The following PKNOX2 variants were observed in gnomAD, a reference collection of about 807,000 sequenced individuals.
PKNOX2 encodes the protein homeobox protein PKNOX2.
Under a neutral mutation model 53.1 loss-of-function variants are expected in PKNOX2, and 14 were observed. That is an observed-to-expected ratio of 0.26 (90% CI 0.17 to 0.41). The LOEUF is 0.41. Ranked by LOEUF, PKNOX2 falls within the 10% of genes least tolerant of loss-of-function variation. The pLI is 1.00. For missense variants in PKNOX2, 496 were observed against 602.8 expected (o/e 0.82, Z 1.85); for synonymous variants, 257 against 242.8 (o/e 1.06, Z -0.54).
chr11:125,382,249 C>T (rs900707129), intron 5 of PKNOX2, among the ~76,000 whole-genome samples: 1 of 152,232 alleles, frequency 6.6e-6, no homozygotes, highest in African/African-American at 2.4e-5. Context: ...AATGAAAACA[C>T]ACAGGACCCC....
intron 1 of PKNOX2, among the ~76,000 whole-genome samples, chr11:125,198,779 A>ACCTCTC (rs1938065490): frequency 7.2e-6 from 1 of 137,976 alleles, no homozygotes; most frequent in African/African-American, 2.7e-5. Flanking sequence ...CTACTCCCTC[A>ACCTCTC]CCTCTCCCTC....
chr11:125,424,878 C>G (rs1438723221), intron 10 of PKNOX2, among the ~76,000 whole-genome samples: 3 of 152,202 alleles, frequency 2.0e-5, no homozygotes, highest in African/African-American at 7.2e-5. Flanking sequence ...TTGAAAGATG[C>G]TTTTAGTATC....
At chr11:125,214,888 G>C (rs1400483773) in intron 1 of PKNOX2, among the ~76,000 whole-genome samples, 1 of 152,030 alleles carries the variant, frequency 6.6e-6, no homozygotes, top group Non-Finnish European at 1.5e-5. Flanking sequence ...GGCTTTTTGA[G>C]TGGGGAAGCA....
intron 2 of PKNOX2, among the ~76,000 whole-genome samples, chr11:125,285,833 C>G (rs1475343358): frequency 6.6e-6 from 1 of 152,226 alleles, no homozygotes; most frequent in Non-Finnish European, 1.5e-5. Context: ...CTCACGGCTT[C>G]CTAAGCACTT....
chr11:125,397,268 G>C (rs1193253761), intron 6 of PKNOX2, among the ~76,000 whole-genome samples: 1 of 152,170 alleles, frequency 6.6e-6, no homozygotes, highest in Admixed American at 6.5e-5. Flanking sequence ...TATCCACAGA[G>C]CGTCCACAAG....
intron 2 of PKNOX2, among the ~76,000 whole-genome samples, chr11:125,279,550 A>G (rs1946410362): frequency 6.6e-6 from 1 of 152,318 alleles, no homozygotes; most frequent in South Asian, 2.1e-4. Context: ...TTGCCATTCA[A>G]CTTGCAGTGT....
At chr11:125,305,845 C>T (rs750628090) in intron 2 of PKNOX2, among the ~76,000 whole-genome samples, 27 of 152,204 alleles carry the variant, frequency 1.8e-4, no homozygotes, top group Admixed American at 2.6e-4. Flanking sequence ...AAGAATATTC[C>T]GGAGGCAGGA....
At chr11:125,300,629 G>A (rs1047430087) in intron 2 of PKNOX2, among the ~76,000 whole-genome samples, 1 of 152,122 alleles carries the variant, frequency 6.6e-6, no homozygotes, top group African/African-American at 2.4e-5. Flanking sequence ...GACAGAAACA[G>A]AGAGAGACAG....
At chr11:125,253,394 G>A (rs1033292188) in intron 2 of PKNOX2, among the ~76,000 whole-genome samples, 1 of 152,160 alleles carries the variant, frequency 6.6e-6, no homozygotes, top group African/African-American at 2.4e-5. Context: ...GAAGGAAGGA[G>A]AGAGTCCTGC....
chr11:125,294,314 T>A (rs1390822381), intron 2 of PKNOX2, among the ~76,000 whole-genome samples: 2 of 152,134 alleles, frequency 1.3e-5, no homozygotes, highest in Non-Finnish European at 2.9e-5. Flanking sequence ...CCCCCCATCT[T>A]ATGGAGCTTG....
At chr11:125,430,349 A>G (rs894885813) in intron 12 of PKNOX2, among the ~76,000 whole-genome samples, 1 of 152,208 alleles carries the variant, frequency 6.6e-6, no homozygotes, top group Admixed American at 6.5e-5. Context: ...TCATAAAGAA[A>G]AGCGGGAGTT....
intron 1 of PKNOX2, among the ~76,000 whole-genome samples, chr11:125,179,025 C>T (rs1234076435): frequency 3.9e-5 from 6 of 152,150 alleles, no homozygotes; most frequent in East Asian, 1.9e-4. Context: ...TGCCCTCTCC[C>T]GTGTGTTTCA....
chr11:125,356,540 AG>A (rs1951626526), intron 4 of PKNOX2, among the ~76,000 whole-genome samples: 1 of 152,220 alleles, frequency 6.6e-6, no homozygotes, highest in Non-Finnish European at 1.5e-5. Context: ...CCGATCCTCC[AG>A]CATCCCTCAG....
chr11:125,409,130 C>T (rs536976614), intron 7 of PKNOX2, among the ~76,000 whole-genome samples: 4 of 152,168 alleles, frequency 2.6e-5, no homozygotes, highest in African/African-American at 7.2e-5. Flanking sequence ...ACACTTCACT[C>T]GCTGCCTTTT....
rs141682027 is a variant in PKNOX2 at position 125,206,192 on chromosome 11, G to C, written c.-200-28853G>C. Among the ~76,000 whole-genome samples the C allele has an allele frequency of 4.5e-3, 691 of 152,092 alleles. 7 individuals are homozygous for C. The highest frequency in any genetic ancestry group is 0.015 in the African/African-American group (624 of 41,500). Reference sequence around the variant, plus strand: ...GGAGCCTACTGTCTAGTGGGCGGTGGGGGGGAGAACCGAGAAGGAAACTTC... The same window carrying C: ...GGAGCCTACTGTCTAGTGGGCGGTGCGGGGGAGAACCGAGAAGGAAACTTC... On this transcript the variant is annotated intron_variant, in intron 1 of 12. Coordinates refer to ENST00000298282, the MANE Select transcript of PKNOX2 (RefSeq NM_001382323.2).
chr11:125,388,129 A>G (rs1165993945), intron 6 of PKNOX2, among the ~76,000 whole-genome samples: 1 of 151,994 alleles, frequency 6.6e-6, no homozygotes, highest in Non-Finnish European at 1.5e-5. Context: ...TGATGTGGGG[A>G]GTCAAGCAGT....
At chr11:125,400,911 C>T (rs933183421) in intron 7 of PKNOX2, among the ~76,000 whole-genome samples, 9 of 152,146 alleles carry the variant, frequency 5.9e-5, no homozygotes, top group African/African-American at 2.2e-4. Flanking sequence ...CAAAAACAGC[C>T]ATTTCCAGCC....
chr11:125,254,441 C>T (rs1302567794), intron 2 of PKNOX2, among the ~76,000 whole-genome samples: 1 of 152,242 alleles, frequency 6.6e-6, no homozygotes, highest in African/African-American at 2.4e-5. Flanking sequence ...AAAGGGAATG[C>T]AGTCCCAGGT....
chr11:125,300,052 C>T (rs1408411849), intron 2 of PKNOX2, among the ~76,000 whole-genome samples: 2 of 152,216 alleles, frequency 1.3e-5, no homozygotes, highest in Non-Finnish European at 2.9e-5. Flanking sequence ...GGGGTGGAGT[C>T]ACCGGCCTGT....
Sources: allele counts gnomAD v4.1 joint callset (sites outside exome capture counted in the v4.1 genomes callset), GRCh38; gene constraint gnomAD v4.1.1; transcripts MANE v1.5; gene names NCBI Gene and HGNC (gene_info 2026-07-23, HGNC 2026-07-21).